The following WWOX variants were observed in gnomAD, a reference collection of about 807,000 sequenced individuals.
The protein encoded by WWOX is WW domain containing oxidoreductase, also known as WW domain-containing oxidoreductase.
WWOX carries 69 observed loss-of-function variants against 46.2 expected under a neutral mutation model. That is an observed-to-expected ratio of 1.49 (90% CI 1.23 to 1.82). The LOEUF is 1.82. Ranked by LOEUF, WWOX falls within the 40% of genes most tolerant of loss-of-function variation. The probability of loss-of-function intolerance (pLI) is 0.00; values close to 1 mark genes in which losing one functional copy is unlikely to be tolerated. For missense variants in WWOX, 919 were observed against 542.6 expected (o/e 1.69, Z -6.89); for synonymous variants, 359 against 202.6 (o/e 1.77, Z -6.56).
chr16:79,188,250 T>C (rs986021689), intron 8 of WWOX, among the ~76,000 whole-genome samples: 1 of 152,164 alleles, frequency 6.6e-6, no homozygotes, highest in Non-Finnish European at 1.5e-5. Context: ...CACACACTTT[T>C]GCCCTCTGTA....
intron 5 of WWOX, among the ~76,000 whole-genome samples, chr16:78,304,096 TC>T (rs1217273877): frequency 6.6e-6 from 1 of 152,180 alleles, no homozygotes; most frequent in African/African-American, 2.4e-5. Flanking sequence ...GCTTCGGTGC[TC>T]CTTCTCCAAG....
At chr16:78,959,526 C>T (rs570242467) in intron 8 of WWOX, among the ~76,000 whole-genome samples, 11 of 152,064 alleles carry the variant, frequency 7.2e-5, no homozygotes, top group African/African-American at 7.2e-5. Flanking sequence ...CATTCATCCA[C>T]CTGTTCATCC....
intron 8 of WWOX, chr16:79,203,147 A>G (rs1174818257): frequency 6.6e-6 from 1 of 152,216 alleles, no homozygotes; most frequent in African/African-American, 2.4e-5. Flanking sequence ...ATTGTTTCTC[A>G]TTACCCATCG....
At chr16:78,768,279 T>TTAAAAAAAAAA (rs1309673439) in intron 8 of WWOX, among the ~76,000 whole-genome samples, 1 of 91,958 alleles carries the variant, frequency 1.1e-5, no homozygotes, top group African/African-American at 4.0e-5. Flanking sequence ...ATAGATGAGT[T>TTAAAAAAAAAA]AAAAAAAAAA....
chr16:78,944,259 C>T (rs1215761600), intron 8 of WWOX, among the ~76,000 whole-genome samples: 1 of 152,136 alleles, frequency 6.6e-6, no homozygotes, highest in Non-Finnish European at 1.5e-5. Flanking sequence ...AATTGTAACT[C>T]TCCCCTACTT....
chr16:78,719,229 C>T (rs1261060633), intron 8 of WWOX, among the ~76,000 whole-genome samples: 1 of 152,140 alleles, frequency 6.6e-6, no homozygotes, highest in African/African-American at 2.4e-5. Flanking sequence ...ATGTGTTTAG[C>T]ACACAGCCTG....
At chr16:78,515,085 C>G (rs1207770632) in intron 8 of WWOX, among the ~76,000 whole-genome samples, 1 of 152,024 alleles carries the variant, frequency 6.6e-6, no homozygotes, top group African/African-American at 2.4e-5. Context: ...TTAGCTGAAC[C>G]TGGTGGTTCA....
chr16:78,780,753 C>G (rs1256553277), intron 8 of WWOX, among the ~76,000 whole-genome samples: 1 of 152,132 alleles, frequency 6.6e-6, no homozygotes, highest in Non-Finnish European at 1.5e-5. Flanking sequence ...TCTTTGTTAG[C>G]TAGAACAAGA....
chr16:78,834,553 G>C (rs1232586118), intron 8 of WWOX, among the ~76,000 whole-genome samples: 1 of 152,152 alleles, frequency 6.6e-6, no homozygotes, highest in Non-Finnish European at 1.5e-5. Context: ...TGGCAGAAAG[G>C]ACCAGGGTCT....
chr16:78,593,245 T>G (rs913756698), intron 8 of WWOX, among the ~76,000 whole-genome samples: 1 of 152,124 alleles, frequency 6.6e-6, no homozygotes, highest in Admixed American at 6.5e-5. Flanking sequence ...TTCATTATAT[T>G]GCCCAGACTG....
rs2048870943 is a variant in WWOX, at chr16:78,727,771, T to A, written c.1056+295019T>A. 3.3e-5 allele frequency among the ~76,000 whole-genome samples: 5 copies of A among 152,202 alleles called. No individual in the cohort carries two copies. The South Asian group carries it at 1.0e-3, about 32-fold the overall frequency. On this transcript the variant is annotated intron_variant, in intron 8 of 8. Transcript: ENST00000566780. ...CTCCATGGGAGAGGTCAGCTCCTTG[T>A]CTCCCTGGTGGTGAGACAGGGAATG...
At chr16:78,391,121 C>A (rs866366670) in intron 6 of WWOX, among the ~76,000 whole-genome samples, 1 of 152,152 alleles carries the variant, frequency 6.6e-6, no homozygotes, top group Admixed American at 6.5e-5. Context: ...TGGAACCACC[C>A]GCCGTCTGCC....
chr16:78,666,448 T>G (rs1174367246), intron 8 of WWOX, among the ~76,000 whole-genome samples: 1 of 152,212 alleles, frequency 6.6e-6, no homozygotes, highest in Non-Finnish European at 1.5e-5. Context: ...ATTACATGCT[T>G]ACAGCCTATT....
At chr16:78,752,035 C>T (rs2049495512) in intron 8 of WWOX, among the ~76,000 whole-genome samples, 1 of 152,148 alleles carries the variant, frequency 6.6e-6, no homozygotes, top group Admixed American at 6.5e-5. Flanking sequence ...AGAGAGACGA[C>T]ACAAAATTCA....
At chr16:78,135,950 G>A (rs1488144056) in intron 4 of WWOX, among the ~76,000 whole-genome samples, 1 of 152,178 alleles carries the variant, frequency 6.6e-6, no homozygotes, top group Non-Finnish European at 1.5e-5. Flanking sequence ...GGTGTTGAAT[G>A]ATGGGCAGTT....
intron 8 of WWOX, among the ~76,000 whole-genome samples, chr16:78,589,741 C>A (rs138795694): frequency 7.2e-5 from 11 of 152,208 alleles, no homozygotes; most frequent in African/African-American, 2.4e-4. Context: ...GACTGTTTAC[C>A]TTCTTTTGGT....
intron 8 of WWOX, among the ~76,000 whole-genome samples, chr16:78,959,725 C>G (rs922310904): frequency 1.2e-4 from 18 of 152,146 alleles, no homozygotes; most frequent in Non-Finnish European, 2.6e-4. Context: ...CATCAAAAGG[C>G]CTAGGAGCCT....
intron 8 of WWOX, among the ~76,000 whole-genome samples, chr16:78,516,926 C>G (rs753425587): frequency 1.3e-5 from 2 of 152,074 alleles, no homozygotes; most frequent in African/African-American, 4.8e-5. Flanking sequence ...TTGGTGTTAC[C>G]TCATGTCTGT....
chr16:79,211,811 G>C lies in WWOX; in HGVS notation c.*15G>C, dbSNP rs533890923. 7.4e-6 allele frequency: 12 copies of C among 1,613,778 alleles called. No individual in the cohort carries two copies. Among genetic ancestry groups the C allele is most frequent in the East Asian group, 6.7e-5 (3 of 44,876 alleles). On this transcript the variant is annotated 3_prime_UTR_variant, in exon 9 of 9. Coordinates refer to ENST00000566780, the MANE Select transcript of WWOX (RefSeq NM_016373.4). ...AGTCCGGCTAAGTGGAGCTCAGAGC[G>C]GATGGGCACACACACCCGCCCTGTG...
Sources: gnomAD v4.1 joint callset for allele counts (sites outside exome capture counted in the v4.1 genomes callset) on GRCh38, gnomAD v4.1.1 for gene constraint, MANE v1.5 for transcripts, NCBI Gene and HGNC (gene_info 2026-07-23, HGNC 2026-07-21) for gene names.